The following MAPK10 variants were observed in gnomAD, a reference collection of about 807,000 sequenced individuals.
MAPK10 encodes JNK3 alpha protein kinase.
Under a neutral mutation model 59.3 loss-of-function variants are expected in MAPK10, and 25 were observed. That is an observed-to-expected ratio of 0.42 (90% CI 0.31 to 0.59). The LOEUF is 0.59. Ranked by LOEUF, MAPK10 falls within the 20% of genes least tolerant of loss-of-function variation. The pLI is 0.15. For synonymous variants in MAPK10, 190 were observed against 200.5 expected (o/e 0.95, Z 0.44); for missense variants, 351 against 568.9 (o/e 0.62, Z 3.90).
chr4:86,564,719 C>T (rs1217950629), intron 1 of MAPK10, among the ~76,000 whole-genome samples: 1 of 151,976 alleles, frequency 6.6e-6, no homozygotes, highest in East Asian at 1.9e-4. Flanking sequence ...GAGGTGAAAC[C>T]GGCAAATATT....
At chr4:86,229,709 T>G in intron 2 of MAPK10, among the ~76,000 whole-genome samples, 1 of 133,780 alleles carries the variant, frequency 7.5e-6, no homozygotes. Flanking sequence ...CTTAGGATTT[T>G]ATTTTATGAA....
intron 2 of MAPK10, among the ~76,000 whole-genome samples, chr4:86,244,666 G>A (rs1362838860): frequency 2.6e-5 from 4 of 152,140 alleles, no homozygotes; most frequent in Non-Finnish European, 4.4e-5. Flanking sequence ...ACATCAGAAA[G>A]GGCCCATAAA....
At chr4:86,255,102 A>G (rs2093648920) in intron 2 of MAPK10, among the ~76,000 whole-genome samples, 1 of 152,172 alleles carries the variant, frequency 6.6e-6, no homozygotes, top group Admixed American at 6.5e-5. Flanking sequence ...AAAAAAGAAA[A>G]AAAAGAAGAG....
chr4:86,017,368 C>T lies in MAPK10; in HGVS notation c.1255G>A (p.Ala419Thr). Residue 419 changes from alanine (A) to threonine (T), a missense_variant and splice_region_variant, in exon 14 of 14, where the codon GCA becomes ACA. Physicochemically the swap from Ala to Thr is moderately conservative, Grantham distance 58. Transcript: ENST00000641462. This position sits in a 1 kb window ranked among gnomAD's most constrained non-coding sequence, Gnocchi z 4.4. Reference sequence around the variant, plus strand: ...AGACTCTCACTGCTGTTCACTGCTGCACCTGTGCTAAGAAAATGAAGACCA... The same window carrying T: ...AGACTCTCACTGCTGTTCACTGCTGTACCTGTGCTAAGAAAATGAAGACCA... ...VVKGQPSPSG[A>T]AVNSSESLPP... 1 of 1,613,994 alleles carries T rather than the reference C, an allele frequency of 6.2e-7. No homozygotes were observed. The highest frequency in any genetic ancestry group is 8.5e-7 in the Non-Finnish European group (1 of 1,179,908).
chr4:86,071,178 C>T (rs929163285), intron 9 of MAPK10, among the ~76,000 whole-genome samples: 75 of 152,258 alleles, frequency 4.9e-4, no homozygotes, highest in African/African-American at 1.8e-3. Context: ...TTTTTGGCTG[C>T]ATAAATGTCT....
intron 1 of MAPK10, chr4:86,357,172 A>G (rs962060277): frequency 1.3e-5 from 2 of 152,216 alleles, no homozygotes; most frequent in Non-Finnish European, 2.9e-5. Flanking sequence ...TAAGCAACCA[A>G]GCAATCATTC....
At chr4:86,052,399 T>C (rs1005449435) in intron 11 of MAPK10, among the ~76,000 whole-genome samples, 9 of 152,174 alleles carry the variant, frequency 5.9e-5, no homozygotes, top group Non-Finnish European at 1.2e-4. Flanking sequence ...AGAATTAAAT[T>C]TGGAGTAAAG....
At chr4:86,491,194 A>G (rs1263417548) in intron 1 of MAPK10, among the ~76,000 whole-genome samples, 1 of 152,204 alleles carries the variant, frequency 6.6e-6, no homozygotes, top group Non-Finnish European at 1.5e-5. Context: ...TCCCACAGAC[A>G]CAGGCAAAGG....
intron 1 of MAPK10, among the ~76,000 whole-genome samples, chr4:86,551,967 G>A (rs1403594820): frequency 3.3e-5 from 5 of 151,764 alleles, no homozygotes; most frequent in Non-Finnish European, 7.4e-5. Context: ...GTTTGAACCT[G>A]AATTTTATTT....
upstream of MAPK10, among the ~76,000 whole-genome samples, chr4:86,455,000 A>G (rs184925852): frequency 1.5e-4 from 23 of 152,320 alleles, no homozygotes; most frequent in African/African-American, 5.1e-4. Context: ...CAAAACAATT[A>G]TCAGCCAAGA....
chr4:86,223,682 A>T (rs2090088900), intron 2 of MAPK10, among the ~76,000 whole-genome samples: 1 of 151,988 alleles, frequency 6.6e-6, no homozygotes, highest in Non-Finnish European at 1.5e-5. Flanking sequence ...CTTCCTCTGC[A>T]CCACATCTGG....
At chr4:86,315,157 A>G (rs963840460) in intron 2 of MAPK10, among the ~76,000 whole-genome samples, 5 of 152,088 alleles carry the variant, frequency 3.3e-5, no homozygotes, top group African/African-American at 1.2e-4. Flanking sequence ...GACAAACATC[A>G]CATGTTCTTA....
At position 86,503,215 on chromosome 4, in the gene MAPK10, C is replaced by T. The variant is rs781380727; in HGVS notation, c.-263+90695G>A. 1.9e-4 allele frequency among the ~76,000 whole-genome samples: 29 copies of T among 152,208 alleles called. No homozygotes were observed. In the Middle Eastern group the frequency reaches 0.01, roughly 54 times the overall value. ...CACAATTTTTCTCATCATGCAATTTCAAAATTTTAACTTAGACTCTTTTGT... is the reference window on the plus strand; with the variant it reads ...CACAATTTTTCTCATCATGCAATTTTAAAATTTTAACTTAGACTCTTTTGT... On this transcript the variant is annotated intron_variant, in intron 1 of 4. Transcript: ENST00000502302.
chr4:86,449,580 T>C (rs1032910038), intron 1 of MAPK10, among the ~76,000 whole-genome samples: 3 of 152,230 alleles, frequency 2.0e-5, no homozygotes, highest in South Asian at 2.1e-4. Context: ...CTAAGTATGG[T>C]GTACCCATCC....
chr4:86,372,589 A>AAAAGAAAAGT (rs1739076109), intron 1 of MAPK10, among the ~76,000 whole-genome samples: 1 of 151,500 alleles, frequency 6.6e-6, no homozygotes, highest in African/African-American at 2.4e-5. Context: ...AAAAGAAAAG[A>AAAAGAAAAGT]AAAGAAAAGG....
At chr4:86,558,903 C>A (rs1242347506) in intron 1 of MAPK10, among the ~76,000 whole-genome samples, 3 of 151,514 alleles carry the variant, frequency 2.0e-5, no homozygotes, top group Non-Finnish European at 4.4e-5. Context: ...ATTCTAGGGT[C>A]CACGGAAGCC....
intron 1 of MAPK10, among the ~76,000 whole-genome samples, chr4:86,403,737 C>T (rs376904606): frequency 2.0e-5 from 3 of 152,056 alleles, no homozygotes; most frequent in South Asian, 2.1e-4. Flanking sequence ...CATCAGATCT[C>T]GTGATACTCA....
chr4:86,055,333 T>TA (rs1006960231), intron 11 of MAPK10, among the ~76,000 whole-genome samples: 1 of 140,468 alleles, frequency 7.1e-6, no homozygotes, highest in African/African-American at 2.8e-5. Context: ...TAGGGGAACT[T>TA]AGATAAAATT....
chr4:86,305,181 C>A (rs946574094), intron 2 of MAPK10, among the ~76,000 whole-genome samples: 1 of 152,060 alleles, frequency 6.6e-6, no homozygotes, highest in Non-Finnish European at 1.5e-5. Context: ...AAAATTCTGA[C>A]CTATTGTTGA....
Sources: allele counts gnomAD v4.1 joint callset (sites outside exome capture counted in the v4.1 genomes callset), GRCh38; gene constraint gnomAD v4.1.1; non-coding constraint Gnocchi (gnomAD v3.1); transcripts MANE v1.5; gene names NCBI Gene and HGNC (gene_info 2026-07-23, HGNC 2026-07-21).